The following ZNF721 variants were observed in gnomAD, a reference collection of about 807,000 sequenced individuals.
ZNF721 encodes the protein zinc finger protein 721.
Under a neutral mutation model 2.4 loss-of-function variants are expected in ZNF721, and 2 were observed. The ratio of observed to expected loss-of-function variants is 0.82; its 90% confidence interval spans 0.34 to 2.58. The LOEUF (loss-of-function observed/expected upper bound fraction) is 2.58. Ranked by LOEUF, ZNF721 falls within the 30% of genes most tolerant of loss-of-function variation. ZNF721 has a pLI of 0.11. For missense variants in ZNF721, 1,187 were observed against 1,085.5 expected, an observed-to-expected ratio of 1.09 and a Z score of -1.31; for synonymous variants, 398 against 381.8, an observed-to-expected ratio of 1.04 and a Z score of -0.50.
chr4:466,762 T>G (rs1560235715), intron 2 of ZNF721, among the ~76,000 whole-genome samples: 1 of 152,160 alleles, frequency 6.6e-6, no homozygotes, highest in Non-Finnish European at 1.5e-5. Context: ...TTCATGAGAA[T>G]CCAACCATAT....
chr4:471,393 A>C (rs1336803570), intron 2 of ZNF721, among the ~76,000 whole-genome samples: 1 of 152,206 alleles, frequency 6.6e-6, no homozygotes, highest in Admixed American at 6.5e-5. Flanking sequence ...AAGAAAATCT[A>C]GTCTTTTACA....
At chr4:463,301 G>T (rs1715127317) in intron 2 of ZNF721, among the ~76,000 whole-genome samples, 2 of 152,208 alleles carry the variant, frequency 1.3e-5, no homozygotes, top group South Asian at 4.1e-4. Flanking sequence ...CTTTTACACT[G>T]TTGGTGGGAG....
At chr4:457,169 G>A (rs1156846192) in intron 2 of ZNF721, among the ~76,000 whole-genome samples, 1 of 152,102 alleles carries the variant, frequency 6.6e-6, no homozygotes, top group Non-Finnish European at 1.5e-5. Context: ...GAGTAAATGT[G>A]AGCATTTTAT....
At chr4:481,762 C>T (rs1235249836) in intron 1 of ZNF721, among the ~76,000 whole-genome samples, 1 of 152,152 alleles carries the variant, frequency 6.6e-6, no homozygotes, top group African/African-American at 2.4e-5. Flanking sequence ...AAATGCCCTT[C>T]AGCAGTTGAA....
intron 2 of ZNF721, among the ~76,000 whole-genome samples, chr4:465,218 A>AC (rs1405800475): frequency 6.6e-6 from 1 of 152,090 alleles, no homozygotes; most frequent in African/African-American, 2.4e-5. Context: ...CCCTGTCTCT[A>AC]CAAAAAAATA....
At chr4:456,067 T>TTTAC (rs1360094897) in intron 2 of ZNF721, among the ~76,000 whole-genome samples, 1 of 151,126 alleles carries the variant, frequency 6.6e-6, no homozygotes, top group Non-Finnish European at 1.5e-5. Context: ...TATTTATTTA[T>TTTAC]TTATTTATTT....
rs1715009371 is a variant in ZNF721 at position 459,996 on chromosome 4, A to C, written c.34+12579T>G. On this transcript the variant is annotated intron_variant, in intron 2 of 2. Coordinates refer to ENST00000511833, the MANE Select transcript of ZNF721 (RefSeq NM_133474.4). ...AGACTTAGACTCTCACACAATAATA[A>C]TGGGAGACTTTAACACCCCACTGTC... Among the ~76,000 whole-genome samples the C allele has an allele frequency of 2.0e-5, 3 of 152,190 alleles. No homozygotes were observed. The South Asian group carries it at 6.2e-4, about 31-fold the overall frequency.
intron 2 of ZNF721, among the ~76,000 whole-genome samples, chr4:455,991 T>G (rs1348831695): frequency 6.6e-6 from 1 of 152,094 alleles, no homozygotes; most frequent in African/African-American, 2.4e-5. Context: ...GTGGTAATAT[T>G]CCACTGTTTC....
At chr4:487,238 A>T (rs1256595616) in intron 1 of ZNF721, among the ~76,000 whole-genome samples, 2 of 152,226 alleles carry the variant, frequency 1.3e-5, no homozygotes, top group Non-Finnish European at 2.9e-5. Flanking sequence ...GCACTGGCAT[A>T]GTGTGCCAGT....
chr4:443,895 TTC>T lies in ZNF721; in HGVS notation c.570_571del (p.Lys191SerfsTer5), dbSNP rs781803705. 4.3e-6 allele frequency: 7 copies of T among 1,614,088 alleles called. No individual in the cohort carries two copies. The highest frequency in any genetic ancestry group is 2.2e-5 in the South Asian group (2 of 91,074). ...GTCACGATCTTCACCTGTGTAAGCT[TTC>T]TCTCTGTTGTGAATTCTCTTATGTG... On this transcript the variant is annotated frameshift_variant, in exon 3 of 3. Coordinates refer to ENST00000511833, the MANE Select transcript of ZNF721 (RefSeq NM_133474.4). LOFTEE classifies it low-confidence loss of function (END_TRUNC).
At chr4:475,682 CTTCA>C (rs1165865795) in intron 1 of ZNF721, among the ~76,000 whole-genome samples, 21 of 152,218 alleles carry the variant, frequency 1.4e-4, no homozygotes, top group African/African-American at 4.3e-4. Context: ...ATGAATTCCT[CTTCA>C]TTCAGGGTAG....
chr4:450,966 T>A (rs1462919647), intron 2 of ZNF721, among the ~76,000 whole-genome samples: 980 of 22,174 alleles, frequency 0.044, 20 homozygotes, highest in African/African-American at 0.095. Flanking sequence ...AATATATATA[T>A]ATATATATAT....
At chr4:474,335 T>C (rs1050282544) in intron 1 of ZNF721, among the ~76,000 whole-genome samples, 1 of 152,112 alleles carries the variant, frequency 6.6e-6, no homozygotes, top group African/African-American at 2.4e-5. Flanking sequence ...CTCCAGGCAC[T>C]TTCAGGCGGC....
intron 2 of ZNF721, 48 bp downstream of exon 2, chr4:472,527 T>G: frequency 3.2e-6 from 5 of 1,565,490 alleles, no homozygotes; most frequent in Non-Finnish European, 4.3e-6. Flanking sequence ...AAATAGAAAA[T>G]AAAACTCAGA....
chr4:455,751 A>G (rs1714826734), intron 2 of ZNF721, among the ~76,000 whole-genome samples: 1 of 152,194 alleles, frequency 6.6e-6, no homozygotes, highest in Admixed American at 6.5e-5. Flanking sequence ...GGCAGTTTAT[A>G]GTTCATAGAG....
Position 443,419 on chromosome 4 carries a change from C to G in ZNF721, c.1048G>C (p.Val350Leu), listed in dbSNP as rs782742067. The change falls in exon 3 of 3, where the codon GTA (valine) becomes CTA (leucine). Residue 350 changes from valine to leucine, a missense_variant. Transcript: ENST00000511833. ...TCTCCAGTATGAATTCTCCTATGTA[C>G]GTAAAGGTTTGCGGACTGTCTAAAG... ...KTFRQSANLY[V>L]HRRIHTGEKP... 6 of 1,612,500 alleles carry G rather than the reference C, an allele frequency of 3.7e-6. No homozygotes were observed. The highest frequency in any genetic ancestry group is 3.3e-5 in the South Asian group (3 of 90,956).
chr4:442,363 A>G lies in ZNF721; in HGVS notation c.2104T>C (p.Cys702Arg). Reference sequence around the variant, plus strand: ...CTTGACCTACTAAAGGCTTTGCCACACTCTTCACATTTGTAAGGTTTTTCT... The same window carrying G: ...CTTGACCTACTAAAGGCTTTGCCACGCTCTTCACATTTGTAAGGTTTTTCT... ...TGEKPYKCEE[C>R]GKAFSRSRNL... is the part of the protein sequence containing the mutation. The change falls in exon 3 of 3, where the codon TGT becomes CGT. Residue 702 changes from cysteine to arginine, a missense_variant. Physicochemically the swap from Cys to Arg is radical, Grantham distance 180 (BLOSUM62 -3). Coordinates refer to ENST00000511833, the MANE Select transcript of ZNF721 (RefSeq NM_133474.4). The G allele has an allele frequency of 6.2e-7, 1 of 1,613,872 alleles. No individual in the cohort carries two copies. Among genetic ancestry groups the G allele is most frequent in the Non-Finnish European group, 8.5e-7 (1 of 1,179,910 alleles).
rs964769422 is a variant in ZNF721 at position 444,348 on chromosome 4, T to C, written c.119A>G (p.Glu40Gly). The part of the protein sequence containing the change: ...SFHKLILRRY[E>G]KCGHDNLQLR... ...TTGTAAATTATCATGCCCACATTTC[T>C]CATATCTTCTCAGTATAAGTTTGTG... Residue 40 changes from glutamate to glycine, a missense_variant, in exon 3 of 3, where the codon GAG (glutamate) becomes GGG (glycine). Physicochemically the swap from Glu to Gly is moderately conservative, Grantham distance 98. Transcript: ENST00000511833. 1 of 1,613,946 alleles carries C rather than the reference T, an allele frequency of 6.2e-7. No individual in the cohort carries two copies.
intron 2 of ZNF721, among the ~76,000 whole-genome samples, chr4:465,256 G>A (rs782598638): frequency 3.3e-5 from 5 of 152,102 alleles, no homozygotes; most frequent in South Asian, 2.1e-4. Context: ...ACCTGGTGGC[G>A]TGTACTTGTA....
Sources: gnomAD v4.1 joint callset for allele counts (sites outside exome capture counted in the v4.1 genomes callset) on GRCh38, gnomAD v4.1.1 for gene constraint, MANE v1.5 for transcripts, NCBI Gene and HGNC (gene_info 2026-07-23, HGNC 2026-07-21) for gene names.